Variants in AUTS2 observed in about 807,000 individuals in gnomAD.
AUTS2 encodes activator of transcription and developmental regulator AUTS2.
AUTS2 carries 17 observed loss-of-function variants against 112.4 expected under a neutral mutation model. The ratio of observed to expected loss-of-function variants is 0.15; its 90% CI spans 0.10 to 0.23. The LOEUF (loss-of-function observed/expected upper bound fraction) is 0.23. Among genes scored for constraint, AUTS2 ranks in the 10% least tolerant of loss-of-function variants. The probability of loss-of-function intolerance (pLI) is 1.00; values close to 1 mark genes in which losing one functional copy is unlikely to be tolerated. For synonymous variants in AUTS2, 751 were observed against 702.7 expected (o/e 1.07, Z -1.09); for missense variants, 1,510 against 1,701.6 (o/e 0.89, Z 1.98).
chr7:69,728,900 T>TA (rs1332467633), intron 1 of AUTS2, among the ~76,000 whole-genome samples: 1 of 152,152 alleles, frequency 6.6e-6, no homozygotes, highest in East Asian at 1.9e-4. Context: ...TATGGGATGT[T>TA]AAAAAATTCA....
At chr7:70,576,526 A>G (rs563945150) in intron 5 of AUTS2, among the ~76,000 whole-genome samples, 6 of 152,330 alleles carry the variant, frequency 3.9e-5, no homozygotes, top group South Asian at 2.1e-4. Context: ...TGATTTGTCC[A>G]TACATACAGC....
intron 1 of AUTS2, among the ~76,000 whole-genome samples, chr7:69,659,906 G>A (rs1158340364): frequency 6.6e-6 from 1 of 152,088 alleles, no homozygotes; most frequent in East Asian, 1.9e-4. Context: ...AGCTTCCCAT[G>A]TTCCCTTAGC....
intron 4 of AUTS2, among the ~76,000 whole-genome samples, chr7:70,258,492 G>A (rs922596213): frequency 9.2e-5 from 14 of 152,074 alleles, no homozygotes; most frequent in African/African-American, 2.2e-4. Context: ...TTTCTTCTTT[G>A]AACATTTTTA....
At chr7:70,410,585 G>A (rs1383334724) in intron 4 of AUTS2, among the ~76,000 whole-genome samples, 1 of 151,408 alleles carries the variant, frequency 6.6e-6, no homozygotes, top group African/African-American at 2.4e-5. Flanking sequence ...CACCACACCC[G>A]GCTAATTTTT....
intron 4 of AUTS2, among the ~76,000 whole-genome samples, chr7:70,180,452 G>A (rs565099470): frequency 7.9e-5 from 12 of 152,300 alleles, no homozygotes; most frequent in Non-Finnish European, 1.5e-4. Context: ...TGTGTTGGAA[G>A]TTAATGATAG....
rs532799719 is a variant in AUTS2 at position 70,234,235 on chromosome 7, A to G, written c.660+99664A>G. Reference sequence around the variant, plus strand: ...AATGTATTATATCATATTTATTTAGACCCCAGTATGGATACTAAATGGGAT... The same window carrying G: ...AATGTATTATATCATATTTATTTAGGCCCCAGTATGGATACTAAATGGGAT... On this transcript the variant is annotated intron_variant, in intron 4 of 18. Coordinates refer to ENST00000342771, the MANE Select transcript of AUTS2 (RefSeq NM_015570.4). Among the ~76,000 whole-genome samples the G allele has an allele frequency of 3.3e-5, 5 of 152,168 alleles. No homozygotes were observed. In the South Asian group the frequency reaches 8.3e-4, roughly 25 times the overall value.
chr7:70,375,664 G>T (rs940759516), intron 4 of AUTS2, among the ~76,000 whole-genome samples: 5 of 152,114 alleles, frequency 3.3e-5, no homozygotes, highest in African/African-American at 1.2e-4. Flanking sequence ...AAAAACATTG[G>T]CTGAATTAAT....
At chr7:70,021,809 G>C (rs567139571) in intron 2 of AUTS2, among the ~76,000 whole-genome samples, 1 of 152,192 alleles carries the variant, frequency 6.6e-6, no homozygotes, top group East Asian at 1.9e-4. Flanking sequence ...CTTCAGCATT[G>C]CTTTGAATCT....
chr7:69,987,262 T>C (rs1798548969), intron 2 of AUTS2, among the ~76,000 whole-genome samples: 2 of 151,860 alleles, frequency 1.3e-5, no homozygotes, highest in African/African-American at 2.4e-5. Flanking sequence ...AGGAAGACTT[T>C]TGTAGATTAA....
At chr7:69,614,219 C>A (rs1437335684) in intron 1 of AUTS2, among the ~76,000 whole-genome samples, 1 of 152,094 alleles carries the variant, frequency 6.6e-6, no homozygotes, top group Non-Finnish European at 1.5e-5. Flanking sequence ...GATACACACA[C>A]AGAATACCCT....
intron 5 of AUTS2, among the ~76,000 whole-genome samples, chr7:70,529,148 A>G (rs1356520076): frequency 6.6e-6 from 1 of 152,228 alleles, no homozygotes; most frequent in Non-Finnish European, 1.5e-5. Flanking sequence ...TAAATGGAAA[A>G]GCCTAGAAAA....
At chr7:69,871,550 TA>T (rs1176582741) in intron 1 of AUTS2, among the ~76,000 whole-genome samples, 2 of 152,154 alleles carry the variant, frequency 1.3e-5, no homozygotes, top group Admixed American at 6.5e-5. Flanking sequence ...CAACAATAAC[TA>T]AAACAACAGT....
intron 4 of AUTS2, among the ~76,000 whole-genome samples, chr7:70,378,071 C>T (rs1411645352): frequency 1.3e-5 from 2 of 152,104 alleles, no homozygotes; most frequent in African/African-American, 4.8e-5. Flanking sequence ...CCACCGCGCC[C>T]GGCCAGCATA....
intron 1 of AUTS2, among the ~76,000 whole-genome samples, chr7:69,711,990 C>T (rs1798348696): frequency 6.6e-6 from 1 of 152,112 alleles, no homozygotes; most frequent in African/African-American, 2.4e-5. Context: ...ATCAGCCTTA[C>T]TCATAGGTCA....
At position 69,777,905 on chromosome 7, in the gene AUTS2, G is replaced by C. The variant is rs560090095; in HGVS notation, c.310-121381G>C. On this transcript the variant is annotated intron_variant, in intron 1 of 18. Transcript: ENST00000342771. Reference sequence around the variant, plus strand: ...TGCTGGTTCATGCTGGCCCAAGGCTGTCTTCTTTCTTGTTTGTGGATGTGG... The same window carrying C: ...TGCTGGTTCATGCTGGCCCAAGGCTCTCTTCTTTCTTGTTTGTGGATGTGG... Among the ~76,000 whole-genome samples, 3 of 152,242 alleles carry C rather than the reference G, an allele frequency of 2.0e-5. No individual in the cohort carries two copies. The East Asian group carries it at 5.8e-4, about 29-fold the overall frequency.
chr7:70,296,904 TTA>T (rs1788964576), intron 4 of AUTS2, among the ~76,000 whole-genome samples: 1 of 151,100 alleles, frequency 6.6e-6, no homozygotes, highest in Non-Finnish European at 1.5e-5. Context: ...TTCAGTGGTG[TTA>T]TCACAGCTCG....
At chr7:70,695,035 T>G (rs1257483320) in intron 5 of AUTS2, 2 of 152,184 alleles carry the variant, frequency 1.3e-5, no homozygotes, top group Non-Finnish European at 2.9e-5. Flanking sequence ...CGTTTAACCC[T>G]TTGCAACCAG....
At chr7:69,709,235 G>A (rs1321569756) in intron 1 of AUTS2, among the ~76,000 whole-genome samples, 1 of 152,174 alleles carries the variant, frequency 6.6e-6, no homozygotes, top group Non-Finnish European at 1.5e-5. Context: ...TAATCTTTGC[G>A]AAACCAGGCT....
chr7:70,098,591 C>A (rs1804319497), intron 2 of AUTS2, among the ~76,000 whole-genome samples: 1 of 152,000 alleles, frequency 6.6e-6, no homozygotes. Flanking sequence ...AATAAAAAGC[C>A]AAGGAAAGGG....
Sources: allele counts gnomAD v4.1 joint callset (sites outside exome capture counted in the v4.1 genomes callset), GRCh38; gene constraint gnomAD v4.1.1; transcripts MANE v1.5; gene names NCBI Gene and HGNC (gene_info 2026-07-23, HGNC 2026-07-21).